Variants in IQCM observed in about 807,000 individuals in gnomAD.
The protein encoded by IQCM is IQ motif containing M.
A neutral mutation model predicts 57.6 loss-of-function variants in IQCM; 45 were observed. The ratio of observed to expected loss-of-function variants is 0.78; its 90% confidence interval spans 0.62 to 1.00. The LOEUF (loss-of-function observed/expected upper bound fraction) is 1.00, where lower values mean the gene tolerates loss of function less well. Ranked by LOEUF, IQCM falls within the 50% of genes least tolerant of loss-of-function variation. IQCM has a pLI of 0.00. For missense variants in IQCM, 468 were observed against 511.6 expected, an observed-to-expected ratio of 0.91 and a Z score of 0.82; for synonymous variants, 148 against 158.9, an observed-to-expected ratio of 0.93 and a Z score of 0.51.
chr4:149,515,411 T>C (rs1364995485), intron 12 of IQCM, among the ~76,000 whole-genome samples: 1 of 151,996 alleles, frequency 6.6e-6, no homozygotes, highest in African/African-American at 2.4e-5. Context: ...CTGAAGACAA[T>C]AGTAAAGTTA....
At chr4:149,513,347 C>T (rs894359877) in intron 12 of IQCM, among the ~76,000 whole-genome samples, 2 of 152,048 alleles carry the variant, frequency 1.3e-5, no homozygotes, top group Admixed American at 6.6e-5. Flanking sequence ...AGCTTTAAGG[C>T]TATTTTTCAC....
intron 5 of IQCM, among the ~76,000 whole-genome samples, chr4:149,723,528 G>T (rs1765627590): frequency 6.6e-6 from 1 of 151,992 alleles, no homozygotes; most frequent in Non-Finnish European, 1.5e-5. Flanking sequence ...TGCTTTTTCA[G>T]CATCTATTGA....
chr4:149,541,345 T>A (rs1747827648), intron 12 of IQCM, among the ~76,000 whole-genome samples: 1 of 152,088 alleles, frequency 6.6e-6, no homozygotes. Context: ...ACCTTTCATG[T>A]TTTTTAAGAT....
intron 12 of IQCM, among the ~76,000 whole-genome samples, chr4:149,518,689 A>G (rs1745253753): frequency 6.6e-6 from 1 of 152,198 alleles, no homozygotes; most frequent in African/African-American, 2.4e-5. Flanking sequence ...AAGAATCACA[A>G]TGGATTTTAG....
intron 12 of IQCM, among the ~76,000 whole-genome samples, chr4:149,471,970 T>C (rs1739608751): frequency 6.6e-6 from 1 of 152,146 alleles, no homozygotes. Context: ...GGGACATATC[T>C]CAAAATAATA....
chr4:149,424,583 A>G (rs1370680260), intron 13 of IQCM, among the ~76,000 whole-genome samples: 1 of 151,832 alleles, frequency 6.6e-6, no homozygotes, highest in East Asian at 1.9e-4. Context: ...TAAAGTTTAT[A>G]TATTCTTAAC....
chr4:149,533,377 G>A (rs1746943975), intron 12 of IQCM, among the ~76,000 whole-genome samples: 1 of 152,010 alleles, frequency 6.6e-6, no homozygotes, highest in Non-Finnish European at 1.5e-5. Flanking sequence ...AACAGCAACA[G>A]ACAACTAAGG....
intron 5 of IQCM, among the ~76,000 whole-genome samples, chr4:149,711,660 A>G (rs899653252): frequency 1.5e-4 from 23 of 151,834 alleles, no homozygotes; most frequent in African/African-American, 5.3e-4. Context: ...ATATAAGCAC[A>G]TTTTTGAACT....
chr4:149,796,413 G>C (rs544806959), intron 2 of IQCM, among the ~76,000 whole-genome samples: 50 of 152,276 alleles, frequency 3.3e-4, no homozygotes, highest in African/African-American at 1.2e-3. Flanking sequence ...ATACCAGGTA[G>C]ACTTCTAAGG....
intron 13 of IQCM, among the ~76,000 whole-genome samples, chr4:149,352,550 A>C (rs1728651573): frequency 6.6e-6 from 1 of 152,204 alleles, no homozygotes; most frequent in Non-Finnish European, 1.5e-5. Flanking sequence ...GGTATACATT[A>C]TATGCAAATA....
In IQCM at chr4:149,742,559, T is replaced by C. The variant is rs1767555817; in HGVS notation, c.37+96A>G. 5.0e-6 allele frequency: 3 copies of C among 595,548 alleles called. No homozygotes were observed. The African/African-American group carries it at 5.8e-5, about 11-fold the overall frequency. The allele number at this position is 595,548 out of a possible 1,614,324, so 36.9% of individuals were successfully genotyped here. ...AATCCTTTCAAGATGTGCCAATAAG[T>C]GTAGTGCTCTGAGGGTCACTAATTA... On this transcript the variant is annotated intron_variant, in intron 3 of 13. Coordinates refer to ENST00000636793, the MANE Select transcript of IQCM (RefSeq NM_001363507.2).
chr4:149,589,752 A>T (rs1302443234), intron 8 of IQCM, among the ~76,000 whole-genome samples: 1 of 152,052 alleles, frequency 6.6e-6, no homozygotes, highest in Non-Finnish European at 1.5e-5. Flanking sequence ...CAAAGTAAAC[A>T]ATAATCCTCA....
chr4:149,518,271 A>G (rs2149823603), intron 12 of IQCM, among the ~76,000 whole-genome samples: 1 of 152,298 alleles, frequency 6.6e-6, no homozygotes, highest in South Asian at 2.1e-4. Context: ...ACAAGCCTCA[A>G]TGTCATAATT....
intron 5 of IQCM, among the ~76,000 whole-genome samples, chr4:149,729,960 TTTA>T: frequency 6.6e-6 from 1 of 152,196 alleles, no homozygotes. Context: ...TTATCTCATG[TTTA>T]TAATAATTCC....
At chr4:149,667,463 G>T (rs1760838016) in intron 7 of IQCM, among the ~76,000 whole-genome samples, 1 of 152,118 alleles carries the variant, frequency 6.6e-6, no homozygotes, top group Non-Finnish European at 1.5e-5. Flanking sequence ...ATAAATCCAT[G>T]AAGATGAGAA....
chr4:149,713,899 A>G (rs1764771172), intron 5 of IQCM, among the ~76,000 whole-genome samples: 1 of 152,136 alleles, frequency 6.6e-6, no homozygotes, highest in Non-Finnish European at 1.5e-5. Flanking sequence ...GTATAAAAAT[A>G]TATTGACATT....
At chr4:149,382,946 G>A (rs1388732399) in intron 13 of IQCM, among the ~76,000 whole-genome samples, 1 of 140,270 alleles carries the variant, frequency 7.1e-6, no homozygotes, top group Non-Finnish European at 1.5e-5. Context: ...AAAAACTTGA[G>A]TTTTATTTTT....
At chr4:149,533,690 CT>C (rs1560959513) in intron 12 of IQCM, among the ~76,000 whole-genome samples, 1 of 151,940 alleles carries the variant, frequency 6.6e-6, no homozygotes, top group Non-Finnish European at 1.5e-5. Context: ...GGGAAAGCCC[CT>C]TATACAGTCA....
In IQCM at chr4:149,733,340, C is replaced by T. The variant is rs1766638176; in HGVS notation, c.289G>A (p.Glu97Lys). 5 of 1,231,744 alleles carry T rather than the reference C, an allele frequency of 4.1e-6. No individual in the cohort carries two copies. The highest frequency in any genetic ancestry group is 3.1e-4 in the Middle Eastern group (1 of 3,208). The allele number at this position is 1,231,744 out of a possible 1,614,324, so 76.3% of individuals were successfully genotyped here. Residue 97 changes from glutamate (E) to lysine (K), a missense_variant, in exon 5 of 14, where the codon GAG becomes AAG. Glu to Lys is a moderately conservative substitution (Grantham distance 56, BLOSUM62 1). Transcript: ENST00000636793. Reference sequence around the variant, plus strand: ...CGTTGTGGGGGTTCCTGAAGATGCTCGCTTTTGGAAAGCTCCTTGGGAAAG... The same window carrying T: ...CGTTGTGGGGGTTCCTGAAGATGCTTGCTTTTGGAAAGCTCCTTGGGAAAG... The part of the protein sequence containing the change: ...ICFPKELSKS[E>K]HLQEPPQRIS...
Sources: gnomAD v4.1 joint callset for allele counts (sites outside exome capture counted in the v4.1 genomes callset) on GRCh38, gnomAD v4.1.1 for gene constraint, MANE v1.5 for transcripts, NCBI Gene and HGNC (gene_info 2026-07-23, HGNC 2026-07-21) for gene names.